The following FRYL variants were observed in gnomAD, a reference collection of about 807,000 sequenced individuals.
FRYL encodes FRY like transcription coactivator.
Under a neutral mutation model 351.2 loss-of-function variants are expected in FRYL, and 150 were observed. That is an observed-to-expected ratio of 0.43 (90% CI 0.37 to 0.49). FRYL has a LOEUF of 0.49. Ranked by LOEUF, FRYL falls within the 20% of genes least tolerant of loss-of-function variation. FRYL has a pLI of 0.00. For missense variants in FRYL, 3,036 were observed against 3,619.3 expected (o/e 0.84, Z 4.13); for synonymous variants, 1,153 against 1,257.1 (o/e 0.92, Z 1.75).
chr4:48,594,877 T>TC, intron 15 of FRYL, among the ~76,000 whole-genome samples: 1 of 152,286 alleles, frequency 6.6e-6, no homozygotes, highest in African/African-American at 2.4e-5. Context: ...ACCCATTTAA[T>TC]CCCCCTCTAA....
intron 1 of FRYL, among the ~76,000 whole-genome samples, chr4:48,757,199 G>A (rs1773882864): frequency 6.6e-6 from 1 of 152,198 alleles, no homozygotes; most frequent in African/African-American, 2.4e-5. Context: ...AGACAAGGAT[G>A]CCCTCTCTCA....
chr4:48,537,395 A>T (rs1729122898), intron 47 of FRYL, among the ~76,000 whole-genome samples: 1 of 152,172 alleles, frequency 6.6e-6, no homozygotes, highest in Non-Finnish European at 1.5e-5. Flanking sequence ...TTTTTAGCAT[A>T]CTATTTTTGC....
intron 12 of FRYL, among the ~76,000 whole-genome samples, chr4:48,602,988 A>G (rs564666793): frequency 6.6e-6 from 1 of 152,332 alleles, no homozygotes; most frequent in South Asian, 2.1e-4. Context: ...ACATTCAATG[A>G]TGTTTGCACA....
rs530763845 is a variant in FRYL at position 48,703,133 on chromosome 4, T to C, written c.-204+7386A>G. 7.2e-5 allele frequency among the ~76,000 whole-genome samples: 11 copies of C among 152,240 alleles called. No homozygotes were observed. In the East Asian group the frequency reaches 1.7e-3, roughly 24 times the overall value. On this transcript the variant is annotated intron_variant, in intron 2 of 63. Transcript: ENST00000358350. ...ATGGGATCTCATTCTTCCACAATCA[T>C]AGAACCACCGTAAGTTTTTGAGAAA...
At chr4:48,658,795 A>G (rs1268770593) in intron 3 of FRYL, among the ~76,000 whole-genome samples, 1 of 151,764 alleles carries the variant, frequency 6.6e-6, no homozygotes, top group Non-Finnish European at 1.5e-5. Flanking sequence ...GGTTTTAGGT[A>G]GAAGGAAAGT....
At chr4:48,608,925 C>A in intron 9 of FRYL, 62 bp downstream of exon 9, 1 of 973,768 alleles carries the variant, frequency 1.0e-6, no homozygotes, top group Non-Finnish European at 1.7e-6. Context: ...CTATTGTATT[C>A]ATTGGTAATG....
At chr4:48,547,019 T>G (rs531891823) in intron 41 of FRYL, among the ~76,000 whole-genome samples, 2 of 152,116 alleles carry the variant, frequency 1.3e-5, no homozygotes. Flanking sequence ...GAAAAAAAAG[T>G]TTCTAGATCA....
chr4:48,762,315 C>G (rs1373060975), intron 1 of FRYL, among the ~76,000 whole-genome samples: 3 of 152,146 alleles, frequency 2.0e-5, no homozygotes, highest in Non-Finnish European at 2.9e-5. Flanking sequence ...TATTGTTTTG[C>G]AGGATCCCAT....
chr4:48,625,541 A>G (rs1211451698), intron 4 of FRYL, among the ~76,000 whole-genome samples: 5 of 152,226 alleles, frequency 3.3e-5, no homozygotes, highest in African/African-American at 9.6e-5. Context: ...CCTAAACAAT[A>G]TAGTATAGCA....
chr4:48,628,076 A>AT (rs1286651128), intron 4 of FRYL, among the ~76,000 whole-genome samples: 1 of 152,136 alleles, frequency 6.6e-6, no homozygotes, highest in Non-Finnish European at 1.5e-5. Context: ...CGGCCTCAAT[A>AT]TATTAGTATT....
chr4:48,657,919 T>C (rs971779724), intron 3 of FRYL, among the ~76,000 whole-genome samples: 1 of 152,228 alleles, frequency 6.6e-6, no homozygotes, highest in Non-Finnish European at 1.5e-5. Context: ...TAGGTTTCCC[T>C]ATTTCTTTTA....
intron 1 of FRYL, among the ~76,000 whole-genome samples, chr4:48,740,756 C>T (rs548600674): frequency 6.6e-6 from 1 of 152,212 alleles, no homozygotes; most frequent in African/African-American, 2.4e-5. Flanking sequence ...AAATCCAGAG[C>T]AATGACAAAC....
intron 59 of FRYL, among the ~76,000 whole-genome samples, chr4:48,508,474 C>T (rs1294693114): frequency 1.3e-5 from 2 of 152,208 alleles, no homozygotes; most frequent in Non-Finnish European, 2.9e-5. Context: ...TATCTTTAGA[C>T]AGATTTATTT....
chr4:48,650,614 T>C (rs1444669331), intron 3 of FRYL, among the ~76,000 whole-genome samples: 1 of 152,174 alleles, frequency 6.6e-6, no homozygotes, highest in African/African-American at 2.4e-5. Context: ...AGGCACAGAA[T>C]GCTTCCAGAA....
intron 35 of FRYL, 115 bp downstream of exon 35, chr4:48,556,863 C>T: frequency 1.2e-6 from 1 of 819,748 alleles, no homozygotes; most frequent in Non-Finnish European, 1.9e-6. Flanking sequence ...CTGTCTTCAT[C>T]CCGGCCCTTG....
chr4:48,503,589 C>T lies in FRYL; in HGVS notation c.8464-744G>A, dbSNP rs568261959. Reference sequence around the variant, plus strand: ...ACAGCAACTTGGATCTGGTCTCTTACGAGGAGAATGACTTCTAACTAAAAC... The same window carrying T: ...ACAGCAACTTGGATCTGGTCTCTTATGAGGAGAATGACTTCTAACTAAAAC... On this transcript the variant is annotated intron_variant, in intron 60 of 63. Coordinates refer to ENST00000358350, the MANE Select transcript of FRYL (RefSeq NM_015030.2). Among the ~76,000 whole-genome samples, 12 of 152,294 alleles carry T rather than the reference C, an allele frequency of 7.9e-5. No homozygotes were observed. In the East Asian group the frequency reaches 1.2e-3, roughly 15 times the overall value.
At chr4:48,698,757 T>C (rs941081034) in intron 2 of FRYL, among the ~76,000 whole-genome samples, 6 of 152,140 alleles carry the variant, frequency 3.9e-5, no homozygotes, top group African/African-American at 1.2e-4. Flanking sequence ...GTACACATCC[T>C]GTAACTCTGA....
chr4:48,661,093 T>C (rs552885596), intron 3 of FRYL, among the ~76,000 whole-genome samples: 75 of 152,308 alleles, frequency 4.9e-4, no homozygotes, highest in Middle Eastern at 3.4e-3. Context: ...TGTACAACAA[T>C]GTAAAATAGT....
chr4:48,575,126 C>T lies in FRYL; in HGVS notation c.2837G>A (p.Gly946Glu). The change falls in exon 25 of 64, where the codon GGA (glycine) becomes GAA (glutamate). Residue 946 changes from glycine (G) to glutamate (E), a missense_variant. Gly to Glu is a moderately conservative substitution (Grantham distance 98). Coordinates refer to ENST00000358350, the MANE Select transcript of FRYL (RefSeq NM_015030.2). ...GTACGAACATAGTTACCTAAAAGCT[C>T]CTGGGTTGGTCCTGCCAAGACCTAG... ...LVLGLGRTNP[G>E]AFRELIEELH... The T allele has an allele frequency of 6.2e-7, 1 of 1,613,404 alleles. No individual in the cohort carries two copies. The highest frequency in any genetic ancestry group is 1.1e-5 in the South Asian group (1 of 91,034).
Sources: allele counts gnomAD v4.1 joint callset (sites outside exome capture counted in the v4.1 genomes callset), GRCh38; gene constraint gnomAD v4.1.1; transcripts MANE v1.5; gene names NCBI Gene and HGNC (gene_info 2026-07-23, HGNC 2026-07-21).